PTPN5: variants seen among roughly 807,000 people sequenced by gnomAD.
The protein encoded by PTPN5 is protein tyrosine phosphatase non-receptor type 5, also known as tyrosine-protein phosphatase non-receptor type 5.
In PTPN5, 29 loss-of-function variants were observed where a neutral mutation model predicts 73.9. The observed-to-expected ratio is 0.39, with a 90% CI of 0.29 to 0.54. The LOEUF (loss-of-function observed/expected upper bound fraction) is 0.54. Ranked by LOEUF, PTPN5 falls within the 20% of genes least tolerant of loss-of-function variation. The pLI is 0.65. For synonymous variants in PTPN5, 267 were observed against 304.7 expected, an observed-to-expected ratio of 0.88 and a Z score of 1.29; for missense variants, 652 against 751.4, an observed-to-expected ratio of 0.87 and a Z score of 1.55.
Position 18,742,892 on chromosome 11 carries a change from C to A in PTPN5, c.483+100G>T. 1.2e-6 allele frequency: 1 copy of A among 839,996 alleles called. No individual in the cohort carries two copies. The highest frequency in any genetic ancestry group is 1.6e-5 in the South Asian group (1 of 64,202). 52.0% of individuals were successfully genotyped at this position (839,996 alleles called of 1,614,324 possible). A position where few individuals can be genotyped will look rare whatever the true frequency, so the allele number is the denominator to read the frequency against. On this transcript the variant is annotated intron_variant, in intron 6 of 14. Transcript: ENST00000358540. The surrounding 1 kb of genome is among the most constrained non-coding windows in gnomAD (Gnocchi z 4.1). ...AGATAGGTATCCCTCCTTGCCCCACCCAGAATGTCCAGCCTATAAGTCAGA... is the reference window on the plus strand; with the variant it reads ...AGATAGGTATCCCTCCTTGCCCCACACAGAATGTCCAGCCTATAAGTCAGA...
At chr11:18,759,861 C>T (rs554573923) in intron 3 of PTPN5, among the ~76,000 whole-genome samples, 1 of 152,140 alleles carries the variant, frequency 6.6e-6, no homozygotes, top group Non-Finnish European at 1.5e-5. Flanking sequence ...TGCCCACAGA[C>T]CAGCTTAAAC....
At chr11:18,787,417 T>C (rs1851720416) in intron 1 of PTPN5, among the ~76,000 whole-genome samples, 1 of 152,210 alleles carries the variant, frequency 6.6e-6, no homozygotes. Context: ...GTGAATAGGA[T>C]ATGTGTTCTC....
At chr11:18,757,136 A>T (rs546666739) in intron 3 of PTPN5, among the ~76,000 whole-genome samples, 1 of 152,298 alleles carries the variant, frequency 6.6e-6, no homozygotes, top group East Asian at 1.9e-4. Flanking sequence ...CGACAATAAG[A>T]AACCATAAAA....
chr11:18,740,546 G>T, intron 8 of PTPN5, 57 bp downstream of exon 8: 1 of 1,358,280 alleles, frequency 7.4e-7, no homozygotes, highest in Admixed American at 2.9e-5. Context: ...CACCTGGGCA[G>T]GTGGATGATT....
Position 18,742,302 on chromosome 11 carries a change from G to A in PTPN5, c.685C>T (p.Pro229Ser). The change falls in exon 7 of 15, where the codon CCC becomes TCC. Residue 229 changes from proline (P) to serine (S), a missense_variant. Physicochemically the swap from Pro to Ser is moderately conservative, Grantham distance 74. This residue lies in a region of PTPN5 where 529 missense variants were observed against 573.9 expected (regional missense o/e 0.92). Coordinates refer to ENST00000358540, the MANE Select transcript of PTPN5 (RefSeq NM_006906.2). The surrounding 1 kb of genome is among the most constrained non-coding windows in gnomAD (Gnocchi z 4.1). ...CVMDIKPEAD[P>S]TSLTVKSMGL... ...ATGGACTTGACGGTGAGTGAGGTGG[G>A]GTCAGCCTCAGGCTTGATGTCCATC... 2 of 1,614,072 alleles carry A rather than the reference G, an allele frequency of 1.2e-6. No homozygotes were observed. Among genetic ancestry groups the A allele is most frequent in the Non-Finnish European group, 1.7e-6 (2 of 1,180,004 alleles).
chr11:18,789,688 T>A (rs931590445), intron 1 of PTPN5, among the ~76,000 whole-genome samples: 1 of 152,086 alleles, frequency 6.6e-6, no homozygotes, highest in African/African-American at 2.4e-5. Context: ...GTGAAGTAAC[T>A]CAGGAATGGA....
At chr11:18,775,965 G>C (rs550807423) in intron 1 of PTPN5, among the ~76,000 whole-genome samples, 1 of 152,308 alleles carries the variant, frequency 6.6e-6, no homozygotes, top group East Asian at 1.9e-4. Context: ...TCCAGGTTCA[G>C]CTGTGATTTG....
At chr11:18,775,215 T>C (rs1192521549) in intron 1 of PTPN5, among the ~76,000 whole-genome samples, 7 of 152,226 alleles carry the variant, frequency 4.6e-5, no homozygotes, top group Non-Finnish European at 8.8e-5. Flanking sequence ...TCCTAACCTC[T>C]CTTTCACTTT....
At chr11:18,791,932 G>A (rs573721553), upstream of PTPN5, 1 of 152,302 alleles carries the variant, frequency 6.6e-6, no homozygotes, top group African/African-American at 2.4e-5. Context: ...CCTGCTCCCG[G>A]GGCACGAAGG....
intron 9 of PTPN5, among the ~76,000 whole-genome samples, chr11:18,737,391 G>A (rs1019249223): frequency 6.6e-6 from 1 of 152,162 alleles, no homozygotes; most frequent in African/African-American, 2.4e-5. Context: ...GGATGTCCCT[G>A]TTAGAGGGCT....
At chr11:18,772,599 T>C (rs1262690221) in intron 1 of PTPN5, among the ~76,000 whole-genome samples, 1 of 151,978 alleles carries the variant, frequency 6.6e-6, no homozygotes, top group Non-Finnish European at 1.5e-5. Context: ...GTGGGAGAAG[T>C]GGGTGCGGGC....
chr11:18,755,447 C>G (rs1590552535), intron 3 of PTPN5, among the ~76,000 whole-genome samples: 3 of 152,126 alleles, frequency 2.0e-5, no homozygotes, highest in Admixed American at 2.0e-4. Context: ...CAAAATATAA[C>G]TAATGCAAGC....
In PTPN5 at chr11:18,742,347, T is replaced by C; in HGVS notation, c.640A>G (p.Thr214Ala). ...DFLDLDPVPE[T>A]PVFDCVMDIK... is the part of the protein sequence containing the mutation. ...TCCATCACACAATCAAACACAGGAG[T>C]CTCGGGCACCGGGTCGAGGTCCAGG... Residue 214 changes from threonine (T) to alanine (A), a missense_variant, in exon 7 of 15, where the codon ACT becomes GCT. Thr to Ala is a moderately conservative substitution (Grantham distance 58). Transcript: ENST00000358540. This position sits in a 1 kb window ranked among gnomAD's most constrained non-coding sequence, Gnocchi z 4.1. The C allele has an allele frequency of 6.2e-7, 1 of 1,613,612 alleles. No homozygotes were observed. The highest frequency in any genetic ancestry group is 8.5e-7 in the Non-Finnish European group (1 of 1,179,918).
intron 1 of PTPN5, among the ~76,000 whole-genome samples, chr11:18,787,287 T>C (rs765448850): frequency 6.6e-6 from 1 of 152,268 alleles, no homozygotes; most frequent in African/African-American, 2.4e-5. Flanking sequence ...GTCTAAGATA[T>C]GCAGTCTCAC....
rs868617261 is a variant in PTPN5, at chr11:18,738,111, T to A, written c.916-147A>T. The A allele has an allele frequency of 1.1e-4, 74 of 684,500 alleles. No individual in the cohort carries two copies. The Middle Eastern group carries it at 4.5e-3, about 41-fold the overall frequency. 42.4% of individuals were successfully genotyped at this position (684,500 alleles called of 1,614,324 possible). On this transcript the variant is annotated intron_variant, in intron 8 of 14. Coordinates refer to ENST00000358540, the MANE Select transcript of PTPN5 (RefSeq NM_006906.2). ...AAACATTTACTATTAAGAGAGTTAG[T>A]GCTCACGACGCATTCAGAACAGTGC...
chr11:18,746,192 T>TATACATAC (rs550537453), intron 3 of PTPN5, among the ~76,000 whole-genome samples: 1 of 102,816 alleles, frequency 9.7e-6, no homozygotes, highest in African/African-American at 3.1e-5. Flanking sequence ...TATATATATA[T>TATACATAC]ACATTTTTTT....
At chr11:18,770,672 GTCTGAGGCC>G (rs1160527945) in intron 2 of PTPN5, among the ~76,000 whole-genome samples, 1 of 152,152 alleles carries the variant, frequency 6.6e-6, no homozygotes, top group Non-Finnish European at 1.5e-5. Context: ...TGCGCTCTGG[GTCTGAGGCC>G]TCACTTATGA....
chr11:18,752,141 G>T (rs1344924001), intron 3 of PTPN5, among the ~76,000 whole-genome samples: 1 of 152,218 alleles, frequency 6.6e-6, no homozygotes, highest in African/African-American at 2.4e-5. Context: ...TGAGGCAAGA[G>T]AATTGCTTGA....
intron 1 of PTPN5, among the ~76,000 whole-genome samples, chr11:18,782,954 C>G (rs1851508115): frequency 6.6e-6 from 1 of 152,228 alleles, no homozygotes; most frequent in Admixed American, 6.5e-5. Context: ...GATGGAAACA[C>G]CAGAGACTTG....
Sources: gnomAD v4.1 joint callset for allele counts (sites outside exome capture counted in the v4.1 genomes callset) on GRCh38, gnomAD v4.1.1 for gene constraint, gnomAD v4.1.1 regional missense constraint, Gnocchi (gnomAD v3.1) non-coding constraint, MANE v1.5 for transcripts, NCBI Gene and HGNC (gene_info 2026-07-23, HGNC 2026-07-21) for gene names.